CACNG2: variants seen among roughly 807,000 people sequenced by gnomAD.
CACNG2 encodes voltage-dependent calcium channel gamma-2 subunit.
A neutral mutation model predicts 25.9 loss-of-function variants in CACNG2; 3 were observed. That is an observed-to-expected ratio of 0.12 (90% CI 0.05 to 0.30). The LOEUF (loss-of-function observed/expected upper bound fraction) is 0.30, where lower values mean the gene tolerates loss of function less well. Ranked by LOEUF, CACNG2 falls within the 10% of genes least tolerant of loss-of-function variation. The pLI is 1.00. For synonymous variants in CACNG2, 167 were observed against 173.3 expected, an observed-to-expected ratio of 0.96 and a Z score of 0.29; for missense variants, 341 against 432.5, an observed-to-expected ratio of 0.79 and a Z score of 1.88.
intron 1 of CACNG2, among the ~76,000 whole-genome samples, chr22:36,661,966 CTTTTTTTTTTTT>C (rs71193254): frequency 7.2e-4 from 32 of 44,586 alleles, no homozygotes; most frequent in South Asian, 3.2e-3. Flanking sequence ...CATTGCTATT[CTTTTTTTTTTTT>C]TTTTTTTTTT....
intron 1 of CACNG2, among the ~76,000 whole-genome samples, chr22:36,632,469 CCTCTCT>C (rs131827): frequency 0.022 from 3,181 of 145,638 alleles, 60 homozygotes; most frequent in Middle Eastern, 0.099. Flanking sequence ...TCTCTCCTCT[CCTCTCT>C]CTCTCTCTCT....
chr22:36,665,084 G>A (rs1255653991), intron 1 of CACNG2, among the ~76,000 whole-genome samples: 1 of 152,172 alleles, frequency 6.6e-6, no homozygotes, highest in Non-Finnish European at 1.5e-5. Context: ...GGCTGGTGAA[G>A]GCAGGCCACA....
At chr22:36,666,528 G>A (rs1471231513) in intron 1 of CACNG2, among the ~76,000 whole-genome samples, 2 of 152,106 alleles carry the variant, frequency 1.3e-5, no homozygotes, top group African/African-American at 4.8e-5. Flanking sequence ...GGGCAGGGGG[G>A]AATGAGGAGT....
At chr22:36,651,950 G>A (rs1233265179) in intron 1 of CACNG2, among the ~76,000 whole-genome samples, 1 of 152,146 alleles carries the variant, frequency 6.6e-6, no homozygotes, top group East Asian at 1.9e-4. Flanking sequence ...TGCAACCTCC[G>A]TCTACCAGGT....
chr22:36,569,953 G>A (rs1474043769), intron 2 of CACNG2, among the ~76,000 whole-genome samples: 1 of 152,338 alleles, frequency 6.6e-6, no homozygotes, highest in East Asian at 1.9e-4. Context: ...TGTGGCTTCC[G>A]AGGCGCAGCA....
intron 1 of CACNG2, among the ~76,000 whole-genome samples, chr22:36,623,969 A>G (rs1320611043): frequency 6.6e-6 from 1 of 152,096 alleles, no homozygotes; most frequent in Non-Finnish European, 1.5e-5. Flanking sequence ...GGTTGGTCTC[A>G]AAGTTCTTGA....
intron 1 of CACNG2, among the ~76,000 whole-genome samples, chr22:36,642,230 A>G (rs1313884550): frequency 1.3e-5 from 2 of 152,180 alleles, no homozygotes; most frequent in Admixed American, 6.5e-5. Flanking sequence ...AACACACCCA[A>G]TAATTCTCTG....
chr22:36,580,972 A>G (rs1935406839), intron 2 of CACNG2, among the ~76,000 whole-genome samples: 1 of 152,162 alleles, frequency 6.6e-6, no homozygotes, highest in African/African-American at 2.4e-5. Context: ...AAGACACAGA[A>G]CACAGCACAG....
intron 1 of CACNG2, among the ~76,000 whole-genome samples, chr22:36,668,860 G>C (rs185160108): frequency 6.6e-6 from 1 of 152,186 alleles, no homozygotes; most frequent in South Asian, 2.1e-4. Context: ...CATGTCAGAG[G>C]GCAGGAGAAG....
chr22:36,630,267 C>A (rs1358501212), intron 1 of CACNG2, among the ~76,000 whole-genome samples: 1 of 152,066 alleles, frequency 6.6e-6, no homozygotes, highest in Non-Finnish European at 1.5e-5. Flanking sequence ...GCCTTGGTGG[C>A]CTGGGTGGAG....
At chr22:36,592,729 G>A (rs1422161897) in intron 1 of CACNG2, among the ~76,000 whole-genome samples, 2 of 152,160 alleles carry the variant, frequency 1.3e-5, no homozygotes, top group Admixed American at 1.3e-4. Context: ...TTTGACACAG[G>A]AAACCACACC....
At chr22:36,655,236 T>C (rs1229701194) in intron 1 of CACNG2, among the ~76,000 whole-genome samples, 3 of 152,198 alleles carry the variant, frequency 2.0e-5, no homozygotes, top group African/African-American at 7.2e-5. Flanking sequence ...GGTCTGTAAT[T>C]TGTTAGGGTT....
intron 1 of CACNG2, among the ~76,000 whole-genome samples, chr22:36,667,352 C>G (rs561786652): frequency 6.6e-6 from 1 of 152,140 alleles, no homozygotes; most frequent in Non-Finnish European, 1.5e-5. Context: ...TGCACTGAGC[C>G]CCTCTCTGGG....
intron 1 of CACNG2, among the ~76,000 whole-genome samples, chr22:36,619,894 T>A (rs754626500): frequency 6.6e-6 from 1 of 152,252 alleles, no homozygotes; most frequent in Non-Finnish European, 1.5e-5. Flanking sequence ...CAGCTGGACA[T>A]GTTTATCAAT....
At chr22:36,612,056 T>A (rs1429148735) in intron 1 of CACNG2, among the ~76,000 whole-genome samples, 1 of 152,252 alleles carries the variant, frequency 6.6e-6, no homozygotes, top group Non-Finnish European at 1.5e-5. Context: ...GCACTTTAGC[T>A]GCAGACTCCA....
intron 1 of CACNG2, among the ~76,000 whole-genome samples, chr22:36,642,820 T>C (rs1015337961): frequency 2.6e-5 from 4 of 152,222 alleles, no homozygotes; most frequent in African/African-American, 9.6e-5. Context: ...CCAGCACCGA[T>C]GCAAAGCTAC....
intron 1 of CACNG2, among the ~76,000 whole-genome samples, chr22:36,607,264 T>G (rs1250675687): frequency 6.6e-6 from 1 of 152,168 alleles, no homozygotes; most frequent in Non-Finnish European, 1.5e-5. Flanking sequence ...TTTTCTTTTT[T>G]TGAGCCAGGG....
In CACNG2 at chr22:36,606,677, T is replaced by A. The variant is rs946628908; in HGVS notation, c.212-19129A>T. The stretch of plus-strand genomic sequence containing the variant: ...GGGAGGTGTTTGAGAGAAGAGCAAG[T>A]GAGGGCCAACCAGAGAGAGGACAGG... On this transcript the variant is annotated intron_variant, in intron 1 of 3. Coordinates refer to ENST00000300105, the MANE Select transcript of CACNG2 (RefSeq NM_006078.5). The surrounding 1 kb of genome is among the most constrained non-coding windows in gnomAD (Gnocchi z 5.7). 2.0e-5 allele frequency among the ~76,000 whole-genome samples: 3 copies of A among 151,632 alleles called. No individual in the cohort carries two copies. Among genetic ancestry groups the A allele is most frequent in the Non-Finnish European group, 4.4e-5 (3 of 67,904 alleles).
At chr22:36,565,645 T>A (rs1212868267) in intron 3 of CACNG2, among the ~76,000 whole-genome samples, 1 of 152,220 alleles carries the variant, frequency 6.6e-6, no homozygotes, top group East Asian at 1.9e-4. Flanking sequence ...CCCAGCTGAT[T>A]AAAATAAAAA....
Sources: gnomAD v4.1 joint callset for allele counts (sites outside exome capture counted in the v4.1 genomes callset) on GRCh38, gnomAD v4.1.1 for gene constraint, Gnocchi (gnomAD v3.1) non-coding constraint, MANE v1.5 for transcripts, NCBI Gene and HGNC (gene_info 2026-07-23, HGNC 2026-07-21) for gene names.